The following DNAI4 variants were observed in gnomAD, a reference collection of about 807,000 sequenced individuals.
The protein encoded by DNAI4 is WD repeat domain 78.
DNAI4 carries 85 observed loss-of-function variants against 105.8 expected under a neutral mutation model. The ratio of observed to expected loss-of-function variants is 0.80; its 90% confidence interval spans 0.67 to 0.96. The LOEUF (loss-of-function observed/expected upper bound fraction) is 0.96. Ranked by LOEUF, DNAI4 falls within the 40% of genes least tolerant of loss-of-function variation. DNAI4 has a pLI of 0.00. For missense variants in DNAI4, 1,014 were observed against 1,005.6 expected (o/e 1.01, Z -0.11); for synonymous variants, 352 against 331.5 (o/e 1.06, Z -0.67).
intron 4 of DNAI4, among the ~76,000 whole-genome samples, chr1:66,884,439 T>A (rs746955253): frequency 3.9e-5 from 6 of 152,192 alleles, no homozygotes; most frequent in Middle Eastern, 6.3e-3. Context: ...CCATCAACAG[T>A]GTATAAGAGT....
Position 66,915,149 on chromosome 1 carries a change from C to T in DNAI4, c.170+9513G>A, listed in dbSNP as rs141033863. ...GCTCTGTAATCTTTAATAAATAAGA[C>T]ATTAATATTGGCTTAATGAAAATAG... On this transcript the variant is annotated intron_variant, in intron 1 of 16. Coordinates refer to ENST00000371026, the MANE Select transcript of DNAI4 (RefSeq NM_024763.5). Among the ~76,000 whole-genome samples, 282 of 152,262 alleles carry T rather than the reference C, an allele frequency of 1.9e-3. 5 individuals are homozygous for T. The East Asian group carries it at 0.043, about 23-fold the overall frequency.
chr1:66,814,703 T>A (rs1024386826), intron 16 of DNAI4, among the ~76,000 whole-genome samples: 1 of 152,202 alleles, frequency 6.6e-6, no homozygotes, highest in African/African-American at 2.4e-5. Flanking sequence ...TAAACGATTT[T>A]ATAAAGATTC....
At chr1:66,893,111 A>AAGAAAGAAAGAAAGAAAGAAAG (rs1647982257) in intron 3 of DNAI4, 118 bp downstream of exon 3, 2 of 496,682 alleles carry the variant, frequency 4.0e-6, no homozygotes, top group African/African-American at 4.0e-5. Context: ...GAAAGAAAGA[A>AAGAAAGAAAGAAAGAAAGAAAG]AGAAAGAAAG....
At chr1:66,906,534 C>G (rs2100837172) in intron 1 of DNAI4, among the ~76,000 whole-genome samples, 1 of 152,238 alleles carries the variant, frequency 6.6e-6, no homozygotes, top group South Asian at 2.1e-4. Flanking sequence ...TTTATCGTTA[C>G]TTGACATTTT....
chr1:66,855,901 C>G (rs1343126734), intron 7 of DNAI4, among the ~76,000 whole-genome samples: 1 of 152,114 alleles, frequency 6.6e-6, no homozygotes, highest in African/African-American at 2.4e-5. Flanking sequence ...ATGGCGCAAT[C>G]TGGGCTCACT....
intron 1 of DNAI4, among the ~76,000 whole-genome samples, chr1:66,923,898 C>T (rs1159923483): frequency 6.6e-6 from 1 of 152,200 alleles, no homozygotes; most frequent in Non-Finnish European, 1.5e-5. Context: ...TGCTTTTCTA[C>T]AGTCTTGTTC....
At chr1:66,841,968 T>G (rs1364517331) in intron 8 of DNAI4, among the ~76,000 whole-genome samples, 1 of 152,228 alleles carries the variant, frequency 6.6e-6, no homozygotes, top group Non-Finnish European at 1.5e-5. Flanking sequence ...CCTAAAAATC[T>G]TCTGTGTTCT....
At chr1:66,889,799 C>T (rs1444906828) in intron 4 of DNAI4, among the ~76,000 whole-genome samples, 1 of 152,158 alleles carries the variant, frequency 6.6e-6, no homozygotes, top group African/African-American at 2.4e-5. Flanking sequence ...TCTATTACCT[C>T]ATGTTTTACC....
chr1:66,836,389 T>C (rs1646027827), intron 10 of DNAI4, among the ~76,000 whole-genome samples: 1 of 151,706 alleles, frequency 6.6e-6, no homozygotes, highest in Non-Finnish European at 1.5e-5. Flanking sequence ...CTACAATAAT[T>C]ATATTTTGGT....
intron 12 of DNAI4, 90 bp from the exon 13 acceptor site, chr1:66,833,796 T>C (rs1645920988): frequency 2.7e-6 from 4 of 1,494,748 alleles, no homozygotes; most frequent in Non-Finnish European, 3.6e-6. Context: ...CAAATAATAA[T>C]ATTAGTTCTG....
intron 7 of DNAI4, among the ~76,000 whole-genome samples, chr1:66,858,081 G>A (rs1430502391): frequency 6.6e-6 from 1 of 151,888 alleles, no homozygotes; most frequent in African/African-American, 2.4e-5. Flanking sequence ...AATACTAAAG[G>A]TAAAAATATC....
intron 7 of DNAI4, among the ~76,000 whole-genome samples, chr1:66,851,708 A>G (rs1346448450): frequency 6.6e-6 from 1 of 151,964 alleles, no homozygotes; most frequent in Non-Finnish European, 1.5e-5. Context: ...GGAAGTCTCA[A>G]GGGAAATAAA....
At chr1:66,873,852 C>CTTTTTTTTTTTTTTTTT (rs749140367) in intron 5 of DNAI4, among the ~76,000 whole-genome samples, 1 of 110,222 alleles carries the variant, frequency 9.1e-6, no homozygotes, top group Non-Finnish European at 1.8e-5. Context: ...TCCCTCTTTC[C>CTTTTTTTTTTTTTTTTT]TTTTTTTTTT....
At chr1:66,826,735 C>G in intron 15 of DNAI4, 85 bp downstream of exon 15, 1 of 1,169,784 alleles carries the variant, frequency 8.5e-7, no homozygotes, top group South Asian at 1.4e-5. Context: ...AACTACAATA[C>G]CCTCTAACTG....
rs750999493 is a variant in DNAI4, at chr1:66,893,212, A to C, written c.530+17T>G. ...ATATATGATAGAAAAAAGGAACTATATAATAGTATACTCTACCTTGTAAAC... is the reference window on the plus strand; with the variant it reads ...ATATATGATAGAAAAAAGGAACTATCTAATAGTATACTCTACCTTGTAAAC... On this transcript the variant is annotated intron_variant, in intron 3 of 16. Coordinates refer to ENST00000371026, the MANE Select transcript of DNAI4 (RefSeq NM_024763.5). 2 of 1,421,304 alleles carry C rather than the reference A, an allele frequency of 1.4e-6. No individual in the cohort carries two copies. Among genetic ancestry groups the C allele is most frequent in the Non-Finnish European group, 1.9e-6 (2 of 1,071,478 alleles). The allele number at this position is 1,421,304 out of a possible 1,614,324, so 88.0% of individuals were successfully genotyped here.
Position 66,835,775 on chromosome 1 carries a change from C to T in DNAI4, c.1584G>A (p.Trp528Ter), listed in dbSNP as rs1365203983. ...ACCWSIKNPM[W>*]PERIYQSPYG... The stretch of plus-strand genomic sequence containing the variant: ...ATGGACTCTGATAAATACGTTCTGG[C>T]CACTAAATTTTAAAAAATTACATTT... The change falls in exon 11 of 17, where the codon TGG becomes TGA. Residue 528 changes from tryptophan to a stop codon, truncating the protein, a stop_gained and splice_region_variant. Transcript: ENST00000371026. LOFTEE classifies it high-confidence loss of function. 1 of 1,613,356 alleles carries T rather than the reference C, an allele frequency of 6.2e-7. No homozygotes were observed. Among genetic ancestry groups the T allele is most frequent in the Admixed American group, 1.7e-5 (1 of 59,886 alleles).
chr1:66,837,275 A>G (rs1646044859), intron 10 of DNAI4, among the ~76,000 whole-genome samples: 1 of 151,132 alleles, frequency 6.6e-6, no homozygotes, highest in Non-Finnish European at 1.5e-5. Flanking sequence ...GAGGCAGGAG[A>G]ATCACTTAAA....
rs1647486710 is a variant in DNAI4, at chr1:66,890,331, T to G, written c.643+823A>C. The G allele has an allele frequency of 6.5e-6, 1 of 152,824 alleles. No homozygotes were observed. Among genetic ancestry groups the G allele is most frequent in the Non-Finnish European group, 1.5e-5 (1 of 68,724 alleles). 9.5% of individuals were successfully genotyped at this position (152,824 alleles called of 1,614,324 possible). ...GAAAGAAGAGGCCAGGCACAGTGGC[T>G]CAGGCCTGTAATCCCAGCACTTTGG... On this transcript the variant is annotated intron_variant, in intron 4 of 16. Transcript: ENST00000371026. This position sits in a 1 kb window ranked among gnomAD's most constrained non-coding sequence, Gnocchi z 4.1.
chr1:66,839,117 T>C (rs1045844532), intron 9 of DNAI4, among the ~76,000 whole-genome samples: 5 of 152,146 alleles, frequency 3.3e-5, no homozygotes, highest in African/African-American at 1.2e-4. Flanking sequence ...GTTTCATATA[T>C]CTTTATTACA....
Sources: gnomAD v4.1 joint callset for allele counts (sites outside exome capture counted in the v4.1 genomes callset) on GRCh38, gnomAD v4.1.1 for gene constraint, Gnocchi (gnomAD v3.1) non-coding constraint, MANE v1.5 for transcripts, NCBI Gene and HGNC (gene_info 2026-07-23, HGNC 2026-07-21) for gene names.